KIF5C: variants seen among roughly 807,000 people sequenced by gnomAD.
KIF5C encodes kinesin heavy chain isoform 5C.
Under a neutral mutation model 125.2 loss-of-function variants are expected in KIF5C, and 18 were observed. That is an observed-to-expected ratio of 0.14 (90% CI 0.10 to 0.21). The LOEUF (loss-of-function observed/expected upper bound fraction) is 0.21, where lower values mean the gene tolerates loss of function less well. Among genes scored for constraint, KIF5C ranks in the 10% least tolerant of loss-of-function variants. The pLI is 1.00. For synonymous variants in KIF5C, 405 were observed against 434.0 expected, an observed-to-expected ratio of 0.93 and a Z score of 0.83; for missense variants, 780 against 1,183.8, an observed-to-expected ratio of 0.66 and a Z score of 5.01.
At chr2:148,887,722 G>T (rs1461538803) in intron 1 of KIF5C, among the ~76,000 whole-genome samples, 1 of 151,940 alleles carries the variant, frequency 6.6e-6, no homozygotes, top group Non-Finnish European at 1.5e-5. Flanking sequence ...TCGATGGAGG[G>T]GGTACATGTG....
chr2:148,959,888 G>T (rs1479710490), intron 10 of KIF5C, among the ~76,000 whole-genome samples: 1 of 152,136 alleles, frequency 6.6e-6, no homozygotes, highest in Non-Finnish European at 1.5e-5. Flanking sequence ...CCTACCAATG[G>T]CTGTGACAAT....
intron 1 of KIF5C, among the ~76,000 whole-genome samples, chr2:148,894,053 A>G (rs535276057): frequency 6.6e-6 from 1 of 152,334 alleles, no homozygotes; most frequent in African/African-American, 2.4e-5. Context: ...ATACAGTACC[A>G]CTGACAAGTG....
At chr2:148,927,615 A>G (rs2105089864) in intron 2 of KIF5C, among the ~76,000 whole-genome samples, 1 of 152,268 alleles carries the variant, frequency 6.6e-6, no homozygotes, top group South Asian at 2.1e-4. Context: ...TTTTTGTGTT[A>G]TGAATATGGC....
intron 10 of KIF5C, among the ~76,000 whole-genome samples, chr2:148,956,473 GT>G (rs1169044769): frequency 6.6e-6 from 1 of 152,144 alleles, no homozygotes; most frequent in Non-Finnish European, 1.5e-5. Context: ...CCTAAGGGTG[GT>G]TAACATTCAT....
chr2:148,882,840 GT>G (rs1214795981), intron 1 of KIF5C, among the ~76,000 whole-genome samples: 1 of 152,128 alleles, frequency 6.6e-6, no homozygotes, highest in Non-Finnish European at 1.5e-5. Flanking sequence ...CATTTATTTG[GT>G]AAATCTGTCC....
chr2:149,022,693 G>A (rs1009708574), intron 25 of KIF5C, among the ~76,000 whole-genome samples: 14 of 152,258 alleles, frequency 9.2e-5, no homozygotes, highest in South Asian at 2.1e-4. Flanking sequence ...GGAGGCCGAG[G>A]TGGGTGGATC....
rs189289379 is a variant in KIF5C, at chr2:148,966,359, C to T, written c.1117+4240C>T. ...CAAAGTGTGTGTGTGTGTGTGCGCG[C>T]GCGCACACACACACATGCTTGTGCT... is the stretch of plus-strand genomic sequence containing the variant. On this transcript the variant is annotated intron_variant, in intron 11 of 25. Coordinates refer to ENST00000435030, the MANE Select transcript of KIF5C (RefSeq NM_004522.3). 3.0e-3 allele frequency among the ~76,000 whole-genome samples: 447 copies of T among 149,518 alleles called. 13 individuals are homozygous for T. The East Asian group carries it at 0.048, about 16-fold the overall frequency.
chr2:148,961,857 C>A, intron 10 of KIF5C, 114 bp from the exon 11 acceptor site: 2 of 1,432,224 alleles, frequency 1.4e-6, no homozygotes, highest in African/African-American at 1.4e-5. Flanking sequence ...GCCACAGGAT[C>A]CCTTCTGCTT....
chr2:148,907,142 T>G, intron 1 of KIF5C, among the ~76,000 whole-genome samples: 1 of 152,222 alleles, frequency 6.6e-6, no homozygotes, highest in East Asian at 1.9e-4. Flanking sequence ...ATCCAAGGGA[T>G]TGGTCCAATG....
chr2:148,922,977 G>A (rs186690630), intron 2 of KIF5C, among the ~76,000 whole-genome samples: 128 of 152,276 alleles, frequency 8.4e-4, no homozygotes, highest in African/African-American at 3.0e-3. Flanking sequence ...TTCAAATCAG[G>A]GGCAGGTTGA....
At chr2:148,947,368 C>T (rs1682542909) in intron 8 of KIF5C, 1 of 218,878 alleles carries the variant, frequency 4.6e-6, no homozygotes, top group Non-Finnish European at 9.0e-6. Flanking sequence ...GAGAAAATCC[C>T]ATGTTGTACC....
chr2:148,959,344 C>T (rs1682871885), intron 10 of KIF5C, among the ~76,000 whole-genome samples: 1 of 152,066 alleles, frequency 6.6e-6, no homozygotes, highest in South Asian at 2.1e-4. Flanking sequence ...TCAGAACTGT[C>T]CTTGCTATTC....
intron 2 of KIF5C, among the ~76,000 whole-genome samples, chr2:148,927,924 ACCC>A (rs1171397184): frequency 6.6e-6 from 1 of 151,142 alleles, no homozygotes; most frequent in African/African-American, 2.4e-5. Context: ...TCTCCCACCA[ACCC>A]CCAATATAGC....
intron 22 of KIF5C, among the ~76,000 whole-genome samples, chr2:149,007,746 T>C (rs561717623): frequency 1.2e-4 from 19 of 152,350 alleles, no homozygotes; most frequent in African/African-American, 3.4e-4. Context: ...AGTTTTTTTT[T>C]TTTAGCTCTC....
At chr2:148,997,582 A>G in intron 18 of KIF5C, 1 of 584,550 alleles carries the variant, frequency 1.7e-6, no homozygotes, top group Non-Finnish European at 2.8e-6. Context: ...TGTCTTCACC[A>G]TTCCTGATGA....
chr2:148,883,657 A>G (rs1412729255), intron 1 of KIF5C: 3 of 152,300 alleles, frequency 2.0e-5, no homozygotes, highest in South Asian at 4.1e-4. Flanking sequence ...TTAATAGTAT[A>G]GTATACTAAA....
At chr2:148,932,974 G>A (rs1040194371) in intron 3 of KIF5C, among the ~76,000 whole-genome samples, 2 of 152,134 alleles carry the variant, frequency 1.3e-5, no homozygotes, top group Admixed American at 6.5e-5. Flanking sequence ...CGTGGGAAAA[G>A]TTTGCGGATA....
At chr2:149,017,152 G>A (rs1682387299) in intron 25 of KIF5C, among the ~76,000 whole-genome samples, 1 of 152,254 alleles carries the variant, frequency 6.6e-6, no homozygotes, top group East Asian at 1.9e-4. Context: ...GAAATGGAGC[G>A]ATGTGGTGGT....
intron 1 of KIF5C, among the ~76,000 whole-genome samples, chr2:148,875,958 G>C (rs2105029076): frequency 6.6e-6 from 1 of 151,832 alleles, no homozygotes; most frequent in Admixed American, 6.5e-5. Context: ...CCGGGCGGGG[G>C]TGGCGGGGGT....
Sources: allele counts gnomAD v4.1 joint callset (sites outside exome capture counted in the v4.1 genomes callset), GRCh38; gene constraint gnomAD v4.1.1; transcripts MANE v1.5; gene names NCBI Gene and HGNC (gene_info 2026-07-23, HGNC 2026-07-21).